KLF7: variants seen among roughly 807,000 people sequenced by gnomAD.
KLF7 encodes the protein Krueppel-like factor 7.
A neutral mutation model predicts 27.3 loss-of-function variants in KLF7; 2 were observed. That is an observed-to-expected ratio of 0.07 (90% CI 0.03 to 0.23). KLF7 has a LOEUF of 0.23. Ranked by LOEUF, KLF7 falls within the 10% of genes least tolerant of loss-of-function variation. The pLI is 1.00. For synonymous variants in KLF7, 165 were observed against 162.4 expected (o/e 1.02, Z -0.12); for missense variants, 221 against 394.1 (o/e 0.56, Z 3.72).
rs970325021 is a variant in KLF7 at position 207,129,019 on chromosome 2, A to G, written c.103-4615T>C. 2.0e-4 allele frequency among the ~76,000 whole-genome samples: 30 copies of G among 152,358 alleles called. No homozygotes were observed. In the East Asian group the frequency reaches 5.8e-3, roughly 29 times the overall value. ...ATTTCCTGGTTCTTATAATTGAACT[A>G]TGGTTGCGTAACATTAGGGGAAGCT... On this transcript the variant is annotated intron_variant, in intron 1 of 3. Transcript: ENST00000309446.
intron 3 of KLF7, among the ~76,000 whole-genome samples, chr2:207,084,898 C>T (rs1311084279): frequency 6.6e-6 from 1 of 151,984 alleles, no homozygotes; most frequent in African/African-American, 2.4e-5. Flanking sequence ...CGTCGTGGCT[C>T]GCGCCTGTAA....
intron 2 of KLF7, among the ~76,000 whole-genome samples, chr2:207,107,936 C>T (rs540305938): frequency 6.6e-6 from 1 of 152,346 alleles, no homozygotes; most frequent in East Asian, 1.9e-4. Context: ...AGATTTAACG[C>T]CTCAATAGAG....
rs114816263 is a variant in KLF7, at chr2:207,160,480, G to A, written c.102+4987C>T. On this transcript the variant is annotated intron_variant, in intron 1 of 3. Transcript: ENST00000309446. ...CAGCAAAGATAATTAAAAGCCCATTGCACAATACTATAAAATGAAAAGATA... is the reference window on the plus strand; with the variant it reads ...CAGCAAAGATAATTAAAAGCCCATTACACAATACTATAAAATGAAAAGATA... Among the ~76,000 whole-genome samples, 168 of 152,240 alleles carry A rather than the reference G, an allele frequency of 1.1e-3. 1 individual carries two copies. Among genetic ancestry groups the A allele is most frequent in the African/African-American group, 3.9e-3 (162 of 41,544 alleles).
intron 1 of KLF7, among the ~76,000 whole-genome samples, chr2:207,162,978 C>A (rs2078590168): frequency 6.6e-6 from 1 of 152,168 alleles, no homozygotes; most frequent in Non-Finnish European, 1.5e-5. Context: ...CTGTTTTGAG[C>A]AAAAGAGTCT....
intron 1 of KLF7, among the ~76,000 whole-genome samples, chr2:207,128,172 G>A (rs1241754147): frequency 6.6e-6 from 1 of 152,136 alleles, no homozygotes; most frequent in Non-Finnish European, 1.5e-5. Flanking sequence ...GGTACCAAAA[G>A]ATAAGGAAGT....
intron 1 of KLF7, among the ~76,000 whole-genome samples, chr2:207,144,824 C>A (rs778425538): frequency 1.4e-4 from 22 of 152,200 alleles, no homozygotes; most frequent in South Asian, 4.1e-4. Context: ...TGGTTGGCTT[C>A]AGCTTCTCCA....
intron 2 of KLF7, among the ~76,000 whole-genome samples, chr2:207,096,533 G>C (rs1240647491): frequency 6.6e-6 from 1 of 152,200 alleles, no homozygotes; most frequent in East Asian, 1.9e-4. Context: ...GGTGCAGTGG[G>C]AAGAAAGCTC....
chr2:207,165,452 A>G lies in KLF7; in HGVS notation c.102+15T>C. The G allele has an allele frequency of 6.2e-7, 1 of 1,614,104 alleles. No individual in the cohort carries two copies. The highest frequency in any genetic ancestry group is 8.5e-7 in the Non-Finnish European group (1 of 1,180,000). ...CGCCACCACACGATTTACACAAGTA[A>G]TTTAAATCATTCACCTGCTGCCAGG... On this transcript the variant is annotated intron_variant, in intron 1 of 3. Transcript: ENST00000309446.
chr2:207,141,681 T>A (rs1264883296), intron 1 of KLF7, among the ~76,000 whole-genome samples: 1 of 152,090 alleles, frequency 6.6e-6, no homozygotes, highest in African/African-American at 2.4e-5. Context: ...CAATGAGTAT[T>A]AAAAAGTTAG....
intron 2 of KLF7, among the ~76,000 whole-genome samples, chr2:207,101,047 A>G (rs1161093338): frequency 6.6e-6 from 1 of 152,186 alleles, no homozygotes; most frequent in South Asian, 2.1e-4. Flanking sequence ...TTTTGTTACC[A>G]CCTTACCTTC....
At chr2:207,166,923 C>G (rs1245474912), upstream of KLF7, 1 of 981,654 alleles carries the variant, frequency 1.0e-6, no homozygotes, top group Non-Finnish European at 1.3e-6. Context: ...CGCACAGTCC[C>G]CGCCCCGCCC....
chr2:207,092,293 G>A (rs1165488231), intron 2 of KLF7, among the ~76,000 whole-genome samples: 1 of 152,236 alleles, frequency 6.6e-6, no homozygotes, highest in African/African-American at 2.4e-5. Context: ...AGTCCAGGAA[G>A]GGCATGTGAG....
Position 207,074,447 on chromosome 2 carries a change from T to G in KLF7, c.*6766A>C, listed in dbSNP as rs1290674933. On this transcript the variant is annotated 3_prime_UTR_variant, in exon 4 of 4. Transcript: ENST00000309446. ...ATTTTAGTACTTTTCTTTTCAGTTC[T>G]GAGAATTTTCCCTGGGGCTTTCATC... 5 of 152,334 alleles carry G rather than the reference T, an allele frequency of 3.3e-5. No individual in the cohort carries two copies. The highest frequency in any genetic ancestry group is 1.2e-4 in the African/African-American group (5 of 41,446). 9.4% of individuals were successfully genotyped at this position (152,334 alleles called of 1,614,324 possible). A position where few individuals can be genotyped will look rare whatever the true frequency, so the allele number is the denominator to read the frequency against.
At chr2:207,148,957 A>G in intron 1 of KLF7, 1 of 996,916 alleles carries the variant, frequency 1.0e-6, no homozygotes, top group Non-Finnish European at 1.2e-6. Context: ...TGGTGCCCTT[A>G]ATATATGATA....
At chr2:207,154,140 A>T (rs1025449498) in intron 1 of KLF7, among the ~76,000 whole-genome samples, 3 of 152,178 alleles carry the variant, frequency 2.0e-5, no homozygotes, top group African/African-American at 7.2e-5. Context: ...GTCTTATTTG[A>T]AGGGGGAAAA....
At chr2:207,100,051 G>A (rs1395364957) in intron 2 of KLF7, among the ~76,000 whole-genome samples, 1 of 152,130 alleles carries the variant, frequency 6.6e-6, no homozygotes, top group Non-Finnish European at 1.5e-5. Flanking sequence ...GATCACTTGA[G>A]CAGGGGAGGC....
chr2:207,171,324 T>G (rs919034704), upstream of KLF7, among the ~76,000 whole-genome samples: 2 of 152,156 alleles, frequency 1.3e-5, no homozygotes, highest in African/African-American at 4.8e-5. Context: ...TTTTCTGAGA[T>G]GGAATCTACT....
intron 2 of KLF7, among the ~76,000 whole-genome samples, chr2:207,112,431 A>T (rs1248278516): frequency 6.6e-6 from 1 of 152,184 alleles, no homozygotes; most frequent in African/African-American, 2.4e-5. Context: ...TTATGGTGGA[A>T]GGGCTTGTAG....
At chr2:207,109,761 C>T (rs1042006990) in intron 2 of KLF7, among the ~76,000 whole-genome samples, 1 of 152,172 alleles carries the variant, frequency 6.6e-6, no homozygotes, top group Non-Finnish European at 1.5e-5. Flanking sequence ...GACTAAGTAA[C>T]CCACTGCATC....
Sources: gnomAD v4.1 joint callset for allele counts (sites outside exome capture counted in the v4.1 genomes callset) on GRCh38, gnomAD v4.1.1 for gene constraint, MANE v1.5 for transcripts, NCBI Gene and HGNC (gene_info 2026-07-23, HGNC 2026-07-21) for gene names.